The following ZNF461 variants were observed in gnomAD, a reference collection of about 807,000 sequenced individuals.
ZNF461 encodes zinc finger protein 461.
Under a neutral mutation model 18.3 loss-of-function variants are expected in ZNF461, and 16 were observed. That is an observed-to-expected ratio of 0.88 (90% CI 0.59 to 1.33). The LOEUF is 1.33. Ranked by LOEUF, ZNF461 falls within the 40% of genes most tolerant of loss-of-function variation. ZNF461 has a pLI of 0.00. For synonymous variants in ZNF461, 179 were observed against 216.9 expected (o/e 0.83, Z 1.54); for missense variants, 595 against 669.9 (o/e 0.89, Z 1.23).
At chr19:36,654,243 T>C (rs1477263175) in intron 4 of ZNF461, among the ~76,000 whole-genome samples, 1 of 152,218 alleles carries the variant, frequency 6.6e-6, no homozygotes, top group African/African-American at 2.4e-5. Flanking sequence ...AAAATATGTA[T>C]GAGAATATGT....
At chr19:36,665,482 G>A (rs1181651239) in intron 1 of ZNF461, among the ~76,000 whole-genome samples, 1 of 152,132 alleles carries the variant, frequency 6.6e-6, no homozygotes, top group Middle Eastern at 3.2e-3. Flanking sequence ...AGGCAGATGC[G>A]GGCGGATCAC....
chr19:36,641,602 A>T (rs1230736216), intron 5 of ZNF461, among the ~76,000 whole-genome samples: 1 of 150,906 alleles, frequency 6.6e-6, no homozygotes, highest in African/African-American at 2.4e-5. Context: ...AGGATAGAGA[A>T]ATCACTATAA....
Position 36,639,698 on chromosome 19 carries a change from T to G in ZNF461, c.647A>C (p.Lys216Thr). ...FFSHHKRTHS[K>T]ELSECKECTE... ...GCATTCTTTACATTCAGAAAGTTCT[T>G]TAGAATGAGTTCTTTTGTGGTGACT... Residue 216 changes from lysine to threonine, a missense_variant, in exon 6 of 6, where the codon AAA becomes ACA. Coordinates refer to ENST00000588268, the MANE Select transcript of ZNF461 (RefSeq NM_153257.5). 1 of 1,613,854 alleles carries G rather than the reference T, an allele frequency of 6.2e-7. No homozygotes were observed. Among genetic ancestry groups the G allele is most frequent in the Non-Finnish European group, 8.5e-7 (1 of 1,179,800 alleles).
chr19:36,643,937 T>C, intron 4 of ZNF461, 75 bp from the exon 5 acceptor site: 1 of 1,195,660 alleles, frequency 8.4e-7, no homozygotes, highest in Non-Finnish European at 1.1e-6. Flanking sequence ...GAATATCTAT[T>C]TCTTTTTCTT....
At chr19:36,666,087 G>GT (rs1344537915) in intron 1 of ZNF461, among the ~76,000 whole-genome samples, 157 of 139,468 alleles carry the variant, frequency 1.1e-3, no homozygotes, top group African/African-American at 3.6e-3. Flanking sequence ...TAACGTGAAT[G>GT]TTTTTTTGTT....
chr19:36,664,199 T>C (rs1410708937), intron 2 of ZNF461, among the ~76,000 whole-genome samples: 2 of 152,130 alleles, frequency 1.3e-5, no homozygotes, highest in South Asian at 2.1e-4. Context: ...GAGTTGGAGA[T>C]GAGAGGAGCA....
At chr19:36,653,961 A>G (rs746144054) in intron 4 of ZNF461, among the ~76,000 whole-genome samples, 7 of 152,186 alleles carry the variant, frequency 4.6e-5, no homozygotes, top group Non-Finnish European at 8.8e-5. Flanking sequence ...CACAGAAATG[A>G]GTGCATGTAT....
At position 36,639,606 on chromosome 19, in the gene ZNF461, C is replaced by G. The variant is rs375529284; in HGVS notation, c.739G>C (p.Glu247Gln). Reference sequence around the variant, plus strand: ...AAGGCCTTCCAACATTCTTTACACTCATTGCATTTGTCACCATTTTGAATT... The same window carrying G: ...AAGGCCTTCCAACATTCTTTACACTGATTGCATTTGTCACCATTTTGAATT... ...QTIQNGDKCN[E>Q]CKECWKAFVH... The change falls in exon 6 of 6, where the codon GAG (glutamate) becomes CAG (glutamine). Residue 247 changes from glutamate (E) to glutamine (Q), a missense_variant. Physicochemically the swap from Glu to Gln is conservative, Grantham distance 29. Coordinates refer to ENST00000588268, the MANE Select transcript of ZNF461 (RefSeq NM_153257.5). 6.2e-7 allele frequency: 1 copy of G among 1,613,368 alleles called. No individual in the cohort carries two copies.
chr19:36,646,758 G>C (rs1434741143), intron 4 of ZNF461, among the ~76,000 whole-genome samples: 1 of 152,132 alleles, frequency 6.6e-6, no homozygotes, highest in Non-Finnish European at 1.5e-5. Context: ...AAGCATTAAA[G>C]AAACGTGCAA....
chr19:36,645,878 G>A (rs1016539077), intron 4 of ZNF461, among the ~76,000 whole-genome samples: 2 of 152,114 alleles, frequency 1.3e-5, no homozygotes, highest in Admixed American at 6.6e-5. Flanking sequence ...TCCACCACCC[G>A]GGTTCAAGCG....
At chr19:36,652,514 A>C (rs1043774413) in intron 4 of ZNF461, among the ~76,000 whole-genome samples, 6 of 150,072 alleles carry the variant, frequency 4.0e-5, no homozygotes, top group African/African-American at 9.7e-5. Context: ...AAAAAAAAAA[A>C]CAAAAACTAT....
In ZNF461 at chr19:36,656,464, T is replaced by C. The variant is rs758406658; in HGVS notation, c.216A>G (p.Thr72=). The change falls in exon 4 of 6, where the codon ACA becomes ACG. Residue 72 remains threonine (T), a synonymous_variant. Coordinates refer to ENST00000588268, the MANE Select transcript of ZNF461 (RefSeq NM_153257.5). ...CTCACTCACCTGGGCACCATCTTCC[T>C]GTCTCTTCCCTCACAACCATCCAGG... is the stretch of plus-strand genomic sequence containing the variant. ...KEPWMVVREE[T]GRWCPGTWKT... 50 of 1,614,174 alleles carry C rather than the reference T, an allele frequency of 3.1e-5. No homozygotes were observed. The highest frequency in any genetic ancestry group is 2.5e-4 in the Admixed American group (15 of 60,030).
intron 3 of ZNF461, among the ~76,000 whole-genome samples, 167 bp from the exon 4 acceptor site, chr19:36,656,710 A>G (rs1352454123): frequency 6.6e-6 from 1 of 152,242 alleles, no homozygotes; most frequent in Non-Finnish European, 1.5e-5. Flanking sequence ...AGATGAACAC[A>G]GGATCATAAC....
intron 4 of ZNF461, among the ~76,000 whole-genome samples, chr19:36,650,805 TA>T (rs2037611769): frequency 1.3e-5 from 2 of 149,608 alleles, no homozygotes; most frequent in Non-Finnish European, 3.0e-5. Flanking sequence ...CAATGTAATA[TA>T]TTATATAAAT....
At chr19:36,658,077 T>C (rs147285745) in intron 3 of ZNF461, 99 of 511,440 alleles carry the variant, frequency 1.9e-4, no homozygotes, top group African/African-American at 1.7e-3. Flanking sequence ...AAGGAGGAGT[T>C]ATTATAAGAA....
chr19:36,640,109 T>A, intron 5 of ZNF461, 66 bp from the exon 6 acceptor site: 1 of 1,350,948 alleles, frequency 7.4e-7, no homozygotes. Context: ...ATATCTATGG[T>A]AGCAATGAGA....
In ZNF461 at chr19:36,639,688, A is replaced by G; in HGVS notation, c.657T>C (p.Ser219=). 6.2e-7 allele frequency: 1 copy of G among 1,613,874 alleles called. No homozygotes were observed. Among genetic ancestry groups the G allele is most frequent in the Non-Finnish European group, 8.5e-7 (1 of 1,179,826 alleles). Reference sequence around the variant, plus strand: ...CAATTTCTGTGCATTCTTTACATTCAGAAAGTTCTTTAGAATGAGTTCTTT... The same window carrying G: ...CAATTTCTGTGCATTCTTTACATTCGGAAAGTTCTTTAGAATGAGTTCTTT... ...HHKRTHSKEL[S]ECKECTEIVN... The change falls in exon 6 of 6, where the codon TCT becomes TCC. Residue 219 remains serine (S), a synonymous_variant. Coordinates refer to ENST00000588268, the MANE Select transcript of ZNF461 (RefSeq NM_153257.5).
At chr19:36,655,603 AAAAC>A (rs1198734837) in intron 4 of ZNF461, among the ~76,000 whole-genome samples, 17 of 152,188 alleles carry the variant, frequency 1.1e-4, no homozygotes, top group Non-Finnish European at 1.5e-5. Context: ...ACCCTGTCTC[AAAAC>A]AAACAAACAA....
chr19:36,653,132 C>A (rs563301954), intron 4 of ZNF461, among the ~76,000 whole-genome samples: 43 of 152,242 alleles, frequency 2.8e-4, no homozygotes, highest in African/African-American at 8.9e-4. Flanking sequence ...CATACATTGC[C>A]AGTTAAGAAT....
Sources: gnomAD v4.1 joint callset for allele counts (sites outside exome capture counted in the v4.1 genomes callset) on GRCh38, gnomAD v4.1.1 for gene constraint, MANE v1.5 for transcripts, NCBI Gene and HGNC (gene_info 2026-07-23, HGNC 2026-07-21) for gene names.